Variants in SMYD3 observed in about 807,000 individuals in gnomAD.
SMYD3 encodes the protein histone-lysine N-methyltransferase SMYD3.
A neutral mutation model predicts 57.7 loss-of-function variants in SMYD3; 36 were observed. The ratio of observed to expected loss-of-function variants is 0.62; its 90% CI spans 0.48 to 0.82. The LOEUF (loss-of-function observed/expected upper bound fraction) is 0.82. Ranked by LOEUF, SMYD3 falls within the 40% of genes least tolerant of loss-of-function variation. The pLI, the probability that SMYD3 is intolerant of heterozygous loss-of-function variation, is 0.00. For missense variants in SMYD3, 515 were observed against 538.8 expected, an observed-to-expected ratio of 0.96 and a Z score of 0.44; for synonymous variants, 211 against 195.0, an observed-to-expected ratio of 1.08 and a Z score of -0.68.
At chr1:246,242,074 T>G (rs1368452681) in intron 5 of SMYD3, among the ~76,000 whole-genome samples, 2 of 152,148 alleles carry the variant, frequency 1.3e-5, no homozygotes, top group Non-Finnish European at 2.9e-5. Flanking sequence ...AGGGTTTTTT[T>G]TGTGTCTCTA....
At chr1:245,971,741 T>G (rs564020817) in intron 5 of SMYD3, among the ~76,000 whole-genome samples, 1 of 152,162 alleles carries the variant, frequency 6.6e-6, no homozygotes, top group Non-Finnish European at 1.5e-5. Context: ...TTTATTTTTT[T>G]AAAAATAGCA....
At chr1:246,339,983 C>T (rs1017577734) in intron 2 of SMYD3, among the ~76,000 whole-genome samples, 30 of 152,044 alleles carry the variant, frequency 2.0e-4, no homozygotes, top group African/African-American at 6.0e-4. Context: ...ACCCAGTCTG[C>T]GGCACTCTGT....
At chr1:246,328,667 TG>T (rs1302931573) in intron 4 of SMYD3, among the ~76,000 whole-genome samples, 2 of 151,634 alleles carry the variant, frequency 1.3e-5, no homozygotes, top group Non-Finnish European at 2.9e-5. Context: ...GGTAAATATA[TG>T]TTTTTTTATT....
intron 5 of SMYD3, among the ~76,000 whole-genome samples, chr1:246,110,807 T>G (rs7541560): frequency 0.16 from 24,794 of 152,214 alleles, 3,616 homozygotes; most frequent in African/African-American, 0.39. Flanking sequence ...GATGTTTACC[T>G]CAGCCCATCC....
chr1:245,948,636 G>GC (rs1274831833), intron 5 of SMYD3, among the ~76,000 whole-genome samples: 2 of 4,214 alleles, frequency 4.7e-4, no homozygotes, highest in African/African-American at 1.1e-3. Flanking sequence ...GCAGCATCCT[G>GC]CCCTGGGCCC....
At chr1:246,319,110 G>A (rs1239408062) in intron 5 of SMYD3, among the ~76,000 whole-genome samples, 3 of 152,136 alleles carry the variant, frequency 2.0e-5, no homozygotes, top group Admixed American at 6.5e-5. Context: ...AATCAACTTC[G>A]AGATTCAATC....
At chr1:246,253,884 C>T (rs1251486942) in intron 5 of SMYD3, among the ~76,000 whole-genome samples, 1 of 152,154 alleles carries the variant, frequency 6.6e-6, no homozygotes, top group African/African-American at 2.4e-5. Context: ...ACTGCTGGAT[C>T]GAATGGTAGT....
intron 1 of SMYD3, among the ~76,000 whole-genome samples, chr1:246,392,773 G>A (rs762901259): frequency 2.1e-5 from 3 of 145,622 alleles, no homozygotes; most frequent in Non-Finnish European, 4.5e-5. Context: ...TTTTAGAGAT[G>A]GTTCAACAGC....
intron 5 of SMYD3, among the ~76,000 whole-genome samples, chr1:246,272,927 G>T (rs2064248925): frequency 6.6e-6 from 1 of 152,072 alleles, no homozygotes; most frequent in South Asian, 2.1e-4. Context: ...GCTTTTCTCT[G>T]TTGAGAGATT....
At chr1:246,160,944 A>C (rs890251097) in intron 5 of SMYD3, among the ~76,000 whole-genome samples, 6 of 152,214 alleles carry the variant, frequency 3.9e-5, no homozygotes, top group African/African-American at 1.2e-4. Flanking sequence ...GCAGCAGCAG[A>C]CAGAAGCTGG....
In SMYD3 at chr1:246,002,342, G is replaced by A. The variant is rs531888770; in HGVS notation, c.532-72405C>T. 4.6e-5 allele frequency among the ~76,000 whole-genome samples: 3 copies of A among 65,362 alleles called. 1 individual carries two copies. Among genetic ancestry groups the A allele is most frequent in the Non-Finnish European group, 7.9e-5 (2 of 25,296 alleles). 42.9% of individuals were successfully genotyped at this position (65,362 alleles called of 152,430 possible). ...TGGGACTGCAGGCTCCCGCCACCAC[G>A]CCCGGCTAATTTTTTGTATTTTTAG... On this transcript the variant is annotated intron_variant, in intron 5 of 11. Transcript: ENST00000490107.
At chr1:246,093,416 T>G (rs1283047702) in intron 5 of SMYD3, among the ~76,000 whole-genome samples, 1 of 152,158 alleles carries the variant, frequency 6.6e-6, no homozygotes, top group East Asian at 1.9e-4. Flanking sequence ...CATATATGTG[T>G]GGTGGAATAT....
intron 5 of SMYD3, among the ~76,000 whole-genome samples, chr1:246,305,231 TTC>T (rs1374690991): frequency 3.9e-5 from 6 of 152,232 alleles, no homozygotes; most frequent in Admixed American, 3.9e-4. Context: ...TGATTAAAGA[TTC>T]TGTTTCATAT....
At chr1:246,059,595 A>G (rs1040614087) in intron 5 of SMYD3, among the ~76,000 whole-genome samples, 2 of 152,224 alleles carry the variant, frequency 1.3e-5, no homozygotes, top group African/African-American at 4.8e-5. Flanking sequence ...CTCAGACGTT[A>G]TCTTAGACTT....
intron 11 of SMYD3, among the ~76,000 whole-genome samples, chr1:245,758,361 C>T (rs2045698864): frequency 6.6e-6 from 1 of 152,040 alleles, no homozygotes; most frequent in Admixed American, 6.5e-5. Flanking sequence ...TTATTTCTTC[C>T]TTTCCAATTT....
intron 5 of SMYD3, among the ~76,000 whole-genome samples, chr1:246,235,088 C>T (rs60684295): frequency 0.21 from 31,561 of 152,076 alleles, 3,994 homozygotes; most frequent in East Asian, 0.58. Flanking sequence ...CTAGGAGGTC[C>T]TTTGAGCTAC....
chr1:246,435,608 A>T (rs2103013905), intron 1 of SMYD3, among the ~76,000 whole-genome samples: 1 of 152,114 alleles, frequency 6.6e-6, no homozygotes, highest in South Asian at 2.1e-4. Context: ...TCTCTAAGTT[A>T]GGAAAACATC....
chr1:246,118,094 T>A (rs1287182355), intron 5 of SMYD3, among the ~76,000 whole-genome samples: 2 of 152,146 alleles, frequency 1.3e-5, no homozygotes, highest in Non-Finnish European at 2.9e-5. Flanking sequence ...AGCAAAATTC[T>A]CTGCAACGAG....
At chr1:246,211,929 C>G (rs567678916) in intron 5 of SMYD3, among the ~76,000 whole-genome samples, 113 of 149,068 alleles carry the variant, frequency 7.6e-4, no homozygotes, top group African/African-American at 2.7e-3. Flanking sequence ...AAAAAAAAGT[C>G]ACATAAATAA....
Sources: gnomAD v4.1 joint callset for allele counts (sites outside exome capture counted in the v4.1 genomes callset) on GRCh38, gnomAD v4.1.1 for gene constraint, MANE v1.5 for transcripts, NCBI Gene and HGNC (gene_info 2026-07-23, HGNC 2026-07-21) for gene names.